The following ZNF536 variants were observed in gnomAD, a reference collection of about 807,000 sequenced individuals.
ZNF536 encodes zinc finger protein 536.
A neutral mutation model predicts 84.5 loss-of-function variants in ZNF536; 13 were observed. That is an observed-to-expected ratio of 0.15 (90% confidence interval 0.10 to 0.24). The LOEUF (loss-of-function observed/expected upper bound fraction) is 0.24, where lower values mean the gene tolerates loss of function less well. Among genes scored for constraint, ZNF536 ranks in the 10% least tolerant of loss-of-function variants. The pLI is 1.00. For synonymous variants in ZNF536, 811 were observed against 742.5 expected (o/e 1.09, Z -1.50); for missense variants, 1,536 against 1,747.5 (o/e 0.88, Z 2.16).
intron 1 of ZNF536, among the ~76,000 whole-genome samples, chr19:30,280,988 G>A (rs571150693): frequency 6.6e-6 from 1 of 152,272 alleles, no homozygotes; most frequent in Non-Finnish European, 1.5e-5. Flanking sequence ...TGCCTTGCCT[G>A]TGGAATTCAC....
intron 1 of ZNF536, among the ~76,000 whole-genome samples, chr19:30,613,469 T>A (rs1309369359): frequency 6.6e-6 from 1 of 152,220 alleles, no homozygotes; most frequent in Non-Finnish European, 1.5e-5. Context: ...GTTATTCATT[T>A]TGAAAAATCA....
chr19:30,516,762 G>A (rs116300020), intron 2 of ZNF536, among the ~76,000 whole-genome samples: 116 of 152,320 alleles, frequency 7.6e-4, no homozygotes, highest in African/African-American at 2.6e-3. Flanking sequence ...TTCAGAAAAG[G>A]TTTAGAGACG....
chr19:30,456,236 C>T (rs893988452), intron 2 of ZNF536, among the ~76,000 whole-genome samples: 7 of 151,818 alleles, frequency 4.6e-5, no homozygotes, highest in African/African-American at 1.7e-4. Context: ...GATGGAGAAT[C>T]CAAGAAAAAC....
chr19:30,349,539 C>T (rs1233002433), intron 2 of ZNF536, among the ~76,000 whole-genome samples: 1 of 152,168 alleles, frequency 6.6e-6, no homozygotes, highest in East Asian at 1.9e-4. Flanking sequence ...TGAACCTCAA[C>T]TCATGGCCAA....
intron 1 of ZNF536, among the ~76,000 whole-genome samples, chr19:30,230,825 C>T (rs1246884525): frequency 6.6e-6 from 1 of 152,194 alleles, no homozygotes; most frequent in Non-Finnish European, 1.5e-5. Flanking sequence ...TTATCTCTGG[C>T]ATCAGGAAAT....
At chr19:30,261,697 C>CAAAAAAAAAA (rs56820609) in intron 1 of ZNF536, among the ~76,000 whole-genome samples, 1 of 99,910 alleles carries the variant, frequency 1.0e-5, no homozygotes, top group Non-Finnish European at 2.1e-5. Context: ...GGACCTTGTC[C>CAAAAAAAAAA]AAAAAAAAAA....
At chr19:30,576,339 C>T (rs916041901) in intron 1 of ZNF536, among the ~76,000 whole-genome samples, 5 of 152,168 alleles carry the variant, frequency 3.3e-5, no homozygotes, top group African/African-American at 1.2e-4. Context: ...GCCTGCGTCT[C>T]CCGCTCTGTC....
chr19:30,544,802 C>T (rs1488761026), intron 3 of ZNF536, among the ~76,000 whole-genome samples: 1 of 152,156 alleles, frequency 6.6e-6, no homozygotes, highest in East Asian at 1.9e-4. Flanking sequence ...TTAGTTTACT[C>T]CTAAACGAGC....
intron 1 of ZNF536, among the ~76,000 whole-genome samples, chr19:30,594,707 C>T (rs990625158): frequency 5.9e-5 from 9 of 151,996 alleles, no homozygotes; most frequent in Non-Finnish European, 8.8e-5. Context: ...TGCAGCTAGC[C>T]GGCCTGTGCT....
intron 2 of ZNF536, among the ~76,000 whole-genome samples, chr19:30,322,153 G>A (rs1209340354): frequency 6.6e-6 from 1 of 152,034 alleles, no homozygotes; most frequent in East Asian, 1.9e-4. Flanking sequence ...CTTTTCCTCA[G>A]GCATCACGTG....
intron 1 of ZNF536, among the ~76,000 whole-genome samples, chr19:30,375,433 C>T (rs2048777213): frequency 6.6e-6 from 1 of 152,104 alleles, no homozygotes; most frequent in South Asian, 2.1e-4. Context: ...CCTGCTGCTC[C>T]CACCACGCGG....
intron 1 of ZNF536, among the ~76,000 whole-genome samples, chr19:30,580,038 T>C (rs1272584191): frequency 2.6e-5 from 4 of 152,142 alleles, no homozygotes; most frequent in African/African-American, 9.7e-5. Flanking sequence ...AGTTGCTGAG[T>C]CTGAAAGCCC....
intron 1 of ZNF536, among the ~76,000 whole-genome samples, chr19:30,681,972 A>T (rs964060087): frequency 2.6e-4 from 40 of 152,124 alleles, no homozygotes; most frequent in African/African-American, 8.9e-4. Flanking sequence ...TCCGTAAGCG[A>T]TTTGTGCATA....
chr19:30,564,651 G>C (rs2046288412), intron 1 of ZNF536, among the ~76,000 whole-genome samples: 1 of 152,200 alleles, frequency 6.6e-6, no homozygotes. Flanking sequence ...TGGAGCTCCA[G>C]CAGTGCCTCC....
At position 30,400,029 on chromosome 19, in the gene ZNF536, G is replaced by T. The variant is rs148679426; in HGVS notation, c.-3+27473G>T. On this transcript the variant is annotated intron_variant, in intron 1 of 4. Coordinates refer to ENST00000355537, the MANE Select transcript of ZNF536 (RefSeq NM_014717.3). ...AAAATTCAGCATAATGCCCTTGAGC[G>T]CCATCTATGTTTTGCATGTATTAAG... Among the ~76,000 whole-genome samples the T allele has an allele frequency of 3.2e-4, 49 of 152,172 alleles. No individual in the cohort carries two copies. The East Asian group carries it at 9.3e-3, about 29-fold the overall frequency.
Position 30,548,683 on chromosome 19 carries a change from G to A in ZNF536, c.3064G>A (p.Ala1022Thr), listed in dbSNP as rs2146212671. 2 of 1,613,924 alleles carry A rather than the reference G, an allele frequency of 1.2e-6. No individual in the cohort carries two copies. Among genetic ancestry groups the A allele is most frequent in the South Asian group, 1.1e-5 (1 of 91,074 alleles). Reference protein sequence around the residue: ...SMELMALHLQANHLGKAKRKD... With the variant: ...SMELMALHLQTNHLGKAKRKD... ...GGAGCTCATGGCCCTTCATCTCCAG[G>A]CCAACCACCTGGGCAAAGCGAAACG... The change falls in exon 4 of 5, where the codon GCC (alanine) becomes ACC (threonine). Residue 1022 changes from alanine (A) to threonine (T), a missense_variant. Coordinates refer to ENST00000355537, the MANE Select transcript of ZNF536 (RefSeq NM_014717.3).
intron 2 of ZNF536, among the ~76,000 whole-genome samples, chr19:30,286,899 T>G (rs1279665322): frequency 6.6e-6 from 1 of 152,242 alleles, no homozygotes; most frequent in African/African-American, 2.4e-5. Flanking sequence ...CATTTCCATA[T>G]GAGACACTCT....
chr19:30,602,517 G>A (rs2047725872), intron 1 of ZNF536, among the ~76,000 whole-genome samples: 1 of 152,194 alleles, frequency 6.6e-6, no homozygotes. Context: ...TAACTGGATG[G>A]GTAATATTGT....
chr19:30,326,791 CTTTTTTTT>C (rs869076590), intron 2 of ZNF536, among the ~76,000 whole-genome samples: 790 of 51,956 alleles, frequency 0.015, 6 homozygotes, highest in African/African-American at 0.058. Flanking sequence ...TTATAAAAAG[CTTTTTTTT>C]TTTTTTTTTT....
Sources: gnomAD v4.1 joint callset for allele counts (sites outside exome capture counted in the v4.1 genomes callset) on GRCh38, gnomAD v4.1.1 for gene constraint, MANE v1.5 for transcripts, NCBI Gene and HGNC (gene_info 2026-07-23, HGNC 2026-07-21) for gene names.